Variants in MACROD2 observed in about 807,000 individuals in gnomAD.
MACROD2 encodes the protein mono-ADP ribosylhydrolase 2, also known as ADP-ribose glycohydrolase MACROD2.
A neutral mutation model predicts 70.4 loss-of-function variants in MACROD2; 36 were observed. The ratio of observed to expected loss-of-function variants is 0.51; its 90% CI spans 0.39 to 0.68. The LOEUF is 0.68. Among genes scored for constraint, MACROD2 ranks in the 30% least tolerant of loss-of-function variants. MACROD2 has a pLI of 0.00. For synonymous variants in MACROD2, 172 were observed against 178.8 expected, an observed-to-expected ratio of 0.96 and a Z score of 0.30; for missense variants, 496 against 538.4, an observed-to-expected ratio of 0.92 and a Z score of 0.78.
At chr20:15,795,780 G>T (rs1299995228) in intron 8 of MACROD2, among the ~76,000 whole-genome samples, 1 of 152,166 alleles carries the variant, frequency 6.6e-6, no homozygotes, top group Non-Finnish European at 1.5e-5. Context: ...GCTCACCAAT[G>T]CCTGGGCCAT....
intron 3 of MACROD2, among the ~76,000 whole-genome samples, chr20:14,467,312 C>A (rs756231056): frequency 6.6e-6 from 1 of 152,050 alleles, no homozygotes; most frequent in Non-Finnish European, 1.5e-5. Flanking sequence ...AGCGAGGTTC[C>A]GTGGGCGTAG....
In MACROD2 at chr20:14,870,601, A is replaced by G. The variant is rs370508147; in HGVS notation, c.418+185642A>G. On this transcript the variant is annotated intron_variant, in intron 5 of 17. Coordinates refer to ENST00000684519, the MANE Select transcript of MACROD2 (RefSeq NM_001351661.2). ...CCTTTTTCTCCTCAACCTCACCAGGACCTATTATTTTTTTTTTGACTTTTT... is the reference window on the plus strand; with the variant it reads ...CCTTTTTCTCCTCAACCTCACCAGGGCCTATTATTTTTTTTTTGACTTTTT... Among the ~76,000 whole-genome samples the G allele has an allele frequency of 3.3e-5, 5 of 151,526 alleles. No individual in the cohort carries two copies. In the East Asian group the frequency reaches 5.8e-4, roughly 18 times the overall value.
intron 3 of MACROD2, among the ~76,000 whole-genome samples, chr20:14,114,803 C>G (rs1263668254): frequency 6.6e-6 from 1 of 152,084 alleles, no homozygotes; most frequent in Non-Finnish European, 1.5e-5. Context: ...TACAAACTGG[C>G]GTAACAGTGT....
chr20:15,000,799 G>T (rs895347182), intron 5 of MACROD2, among the ~76,000 whole-genome samples: 1 of 152,090 alleles, frequency 6.6e-6, no homozygotes, highest in Non-Finnish European at 1.5e-5. Context: ...AAAATTTGAC[G>T]TAGTCTGACA....
intron 3 of MACROD2, among the ~76,000 whole-genome samples, chr20:14,189,598 C>T (rs1261816645): frequency 2.6e-5 from 4 of 152,082 alleles, no homozygotes; most frequent in Non-Finnish European, 2.9e-5. Flanking sequence ...AATACTAGTG[C>T]ATAATTTCAA....
At chr20:15,402,136 A>C (rs1280424377) in intron 6 of MACROD2, among the ~76,000 whole-genome samples, 1 of 152,140 alleles carries the variant, frequency 6.6e-6, no homozygotes, top group Non-Finnish European at 1.5e-5. Flanking sequence ...TCGCAGCAGT[A>C]GTCTAAGCCA....
At chr20:15,602,842 C>T (rs2048840633) in intron 8 of MACROD2, among the ~76,000 whole-genome samples, 1 of 151,880 alleles carries the variant, frequency 6.6e-6, no homozygotes, top group South Asian at 2.1e-4. Flanking sequence ...CATTTTACTT[C>T]CTGCAATGGA....
In MACROD2 at chr20:14,818,825, GTTTTTT is replaced by G. The variant is rs754477468; in HGVS notation, c.418+133887_418+133892del. On this transcript the variant is annotated intron_variant, in intron 5 of 17. Transcript: ENST00000684519. ...GATTGTTTTTGTTTCTCTTCCTTAG[GTTTTTT>G]TTTTTTTTTTTTTTTTTTTTGAGAG... 1.3e-3 allele frequency among the ~76,000 whole-genome samples: 99 copies of G among 78,378 alleles called. 1 individual carries two copies. The highest frequency in any genetic ancestry group is 4.1e-3 in the African/African-American group (76 of 18,598). 51.4% of individuals were successfully genotyped at this position (78,378 alleles called of 152,430 possible).
chr20:14,154,450 A>C (rs2055066504), intron 3 of MACROD2, among the ~76,000 whole-genome samples: 1 of 149,110 alleles, frequency 6.7e-6, no homozygotes, highest in African/African-American at 2.5e-5. Flanking sequence ...CCAGTGGCGC[A>C]ATCTCGGATC....
chr20:15,983,952 C>A (rs1181292474), intron 13 of MACROD2, among the ~76,000 whole-genome samples: 1 of 152,014 alleles, frequency 6.6e-6, no homozygotes, highest in Admixed American at 6.5e-5. Flanking sequence ...AAGCTAAATA[C>A]TATTTTATAT....
chr20:15,640,310 G>T (rs1182379322), intron 8 of MACROD2, among the ~76,000 whole-genome samples: 1 of 152,124 alleles, frequency 6.6e-6, no homozygotes. Context: ...GATAGAGAGA[G>T]AAGTGGATAG....
At chr20:14,091,260 G>A (rs951845306) in intron 3 of MACROD2, among the ~76,000 whole-genome samples, 1 of 152,062 alleles carries the variant, frequency 6.6e-6, no homozygotes, top group Non-Finnish European at 1.5e-5. Flanking sequence ...TGTCCCATTT[G>A]TCTGTTTTTG....
intron 12 of MACROD2, among the ~76,000 whole-genome samples, chr20:15,957,480 A>G (rs1034935016): frequency 2.0e-5 from 3 of 152,192 alleles, no homozygotes; most frequent in African/African-American, 7.2e-5. Context: ...ATAAACATAC[A>G]TAACCTTGAT....
At chr20:14,561,983 TA>T (rs1324765261) in intron 4 of MACROD2, among the ~76,000 whole-genome samples, 5 of 82,184 alleles carry the variant, frequency 6.1e-5, no homozygotes, top group Non-Finnish European at 5.8e-5. Flanking sequence ...ATAATCTTTT[TA>T]TTTTTTTTAA....
At chr20:14,355,554 T>C (rs977367286) in intron 3 of MACROD2, among the ~76,000 whole-genome samples, 1 of 148,948 alleles carries the variant, frequency 6.7e-6, no homozygotes, top group African/African-American at 2.4e-5. Context: ...AGAATTATTT[T>C]GTAACCATTT....
intron 8 of MACROD2, among the ~76,000 whole-genome samples, chr20:15,578,715 G>A (rs1388480755): frequency 3.3e-5 from 1 of 30,536 alleles, no homozygotes; most frequent in East Asian, 6.6e-4. Flanking sequence ...TCCTGAATAT[G>A]TGCTGGTGAC....
chr20:15,646,613 G>A (rs2049547946), intron 8 of MACROD2, among the ~76,000 whole-genome samples: 1 of 152,166 alleles, frequency 6.6e-6, no homozygotes, highest in African/African-American at 2.4e-5. Flanking sequence ...TAGTCCGCAC[G>A]TATCGAGGGA....
At chr20:15,990,254 C>G (rs1485319254) in intron 15 of MACROD2, among the ~76,000 whole-genome samples, 3 of 152,056 alleles carry the variant, frequency 2.0e-5, no homozygotes, top group Non-Finnish European at 4.4e-5. Context: ...AGGTTAATAA[C>G]CAAATAGGAA....
At chr20:15,131,493 T>TG (rs368075899) in intron 5 of MACROD2, among the ~76,000 whole-genome samples, 4 of 152,012 alleles carry the variant, frequency 2.6e-5, no homozygotes, top group African/African-American at 9.7e-5. Context: ...GGGGATTACA[T>TG]GGGGAAATTG....
Sources: gnomAD v4.1 joint callset for allele counts (sites outside exome capture counted in the v4.1 genomes callset) on GRCh38, gnomAD v4.1.1 for gene constraint, MANE v1.5 for transcripts, NCBI Gene and HGNC (gene_info 2026-07-23, HGNC 2026-07-21) for gene names.